Variants in CSTPP1 observed in about 807,000 individuals in gnomAD.
The protein encoded by CSTPP1 is centriolar satellite-associated tubulin polyglutamylase complex regulator 1, also known as UPF0705 protein C11orf49.
the CSTPP1 span, among the ~76,000 whole-genome samples, chr11:47,125,210 C>T: frequency 1.3e-5 from 2 of 152,190 alleles, no homozygotes; most frequent in East Asian, 1.9e-4. Context: ...GTGTGTTTAT[C>T]TATATCCAGT....
chr11:47,144,543 TA>T, the CSTPP1 span, among the ~76,000 whole-genome samples: 2 of 152,134 alleles, frequency 1.3e-5, no homozygotes, highest in African/African-American at 4.8e-5. Context: ...AGTACCAGAT[TA>T]AAAGAAAAAT....
the CSTPP1 span, among the ~76,000 whole-genome samples, chr11:47,028,109 G>A: frequency 0.023 from 3,457 of 152,052 alleles, 52 homozygotes; most frequent in Middle Eastern, 0.048. Context: ...ATTTTTAGTA[G>A]AGACGGGGTT....
the CSTPP1 span, among the ~76,000 whole-genome samples, chr11:46,974,492 A>T: frequency 7.0e-6 from 1 of 143,474 alleles, no homozygotes; most frequent in Non-Finnish European, 1.5e-5. Flanking sequence ...TTGCCATTGC[A>T]CTCCAGCCTG....
the CSTPP1 span, among the ~76,000 whole-genome samples, chr11:47,011,380 A>T: frequency 6.6e-6 from 1 of 152,218 alleles, no homozygotes; most frequent in Non-Finnish European, 1.5e-5. Context: ...ACAACTATTG[A>T]CTTCTTATTT....
the CSTPP1 span, among the ~76,000 whole-genome samples, chr11:46,981,527 T>G: frequency 6.6e-5 from 10 of 152,140 alleles, no homozygotes; most frequent in African/African-American, 2.4e-4. Flanking sequence ...CAATTTAAGC[T>G]TCTTAATACT....
chr11:47,086,986 A>G, the CSTPP1 span, among the ~76,000 whole-genome samples: 1 of 152,196 alleles, frequency 6.6e-6, no homozygotes, highest in South Asian at 2.1e-4. Context: ...TTGGATTTCT[A>G]CAAGACTTTG....
the CSTPP1 span, among the ~76,000 whole-genome samples, chr11:47,084,927 G>T: frequency 1.3e-5 from 2 of 152,246 alleles, no homozygotes; most frequent in South Asian, 4.1e-4. Flanking sequence ...GATTACGCCT[G>T]TAATCCCAGC....
the CSTPP1 span, among the ~76,000 whole-genome samples, chr11:47,008,204 A>G: frequency 6.6e-6 from 1 of 152,132 alleles, no homozygotes; most frequent in Admixed American, 6.5e-5. Flanking sequence ...TGACCTGGTG[A>G]TCTGCCCGCC....
the CSTPP1 span, among the ~76,000 whole-genome samples, chr11:47,114,493 C>G: frequency 1.3e-5 from 2 of 152,066 alleles, no homozygotes; most frequent in Non-Finnish European, 2.9e-5. Context: ...TGTTTGTGTC[C>G]TCTTTTATTT....
the CSTPP1 span, among the ~76,000 whole-genome samples, chr11:47,036,228 AT>A: frequency 2.2e-5 from 1 of 46,434 alleles, no homozygotes; most frequent in Non-Finnish European, 5.3e-5. Context: ...TATAATATAT[AT>A]AATATATTAT....
At chr11:47,105,585 C>G in the CSTPP1 span, among the ~76,000 whole-genome samples, 1 of 152,132 alleles carries the variant, frequency 6.6e-6, no homozygotes, top group African/African-American at 2.4e-5. Context: ...AGGCATGGTA[C>G]TAAACATTTT....
chr11:46,948,771 AATG>A, the CSTPP1 span, among the ~76,000 whole-genome samples: 2 of 152,206 alleles, frequency 1.3e-5, no homozygotes, highest in Admixed American at 6.5e-5. Context: ...AATTTAGAGA[AATG>A]ATAACAATAA....
At chr11:46,936,908 G>A in the CSTPP1 span, 1 of 1,477,228 alleles carries the variant, frequency 6.8e-7, no homozygotes, top group Non-Finnish European at 9.0e-7. Context: ...TTAGGCCAGG[G>A]TCTGGGAGGA....
At chr11:47,136,764 G>A in the CSTPP1 span, among the ~76,000 whole-genome samples, 6 of 152,112 alleles carry the variant, frequency 3.9e-5, no homozygotes, top group African/African-American at 7.2e-5. Context: ...TCTCACTTTA[G>A]CATTACCAGG....
At chr11:46,965,928 A>G in the CSTPP1 span, among the ~76,000 whole-genome samples, 1 of 152,246 alleles carries the variant, frequency 6.6e-6, no homozygotes, top group African/African-American at 2.4e-5. Context: ...CGTATGATTT[A>G]TGCAGAAAAT....
chr11:47,044,954 A>C, the CSTPP1 span, among the ~76,000 whole-genome samples: 1 of 152,218 alleles, frequency 6.6e-6, no homozygotes, highest in East Asian at 1.9e-4. Flanking sequence ...CTGACAAAAA[A>C]CAGAAGTCAG....
the CSTPP1 span, among the ~76,000 whole-genome samples, chr11:47,009,876 A>G: frequency 1.3e-5 from 2 of 152,146 alleles, no homozygotes; most frequent in African/African-American, 4.8e-5. Flanking sequence ...AATGCTGAGA[A>G]ACTCATTGTT....
At chr11:47,148,104 T>C in the CSTPP1 span, among the ~76,000 whole-genome samples, 1 of 151,978 alleles carries the variant, frequency 6.6e-6, no homozygotes, top group Non-Finnish European at 1.5e-5. Flanking sequence ...TCCAACACAG[T>C]CCAGAAGAGG....
the CSTPP1 span, among the ~76,000 whole-genome samples, chr11:47,081,641 T>A: frequency 6.6e-6 from 1 of 152,284 alleles, no homozygotes; most frequent in African/African-American, 2.4e-5. Flanking sequence ...TGGACCAGAA[T>A]CAGAAGCTTA....
Sources: gnomAD v4.1 joint callset for allele counts (sites outside exome capture counted in the v4.1 genomes callset) on GRCh38, gnomAD v4.1.1 for gene constraint, MANE v1.5 for transcripts, NCBI Gene and HGNC (gene_info 2026-07-23, HGNC 2026-07-21) for gene names.